The following TRAK1 variants were observed in gnomAD, a reference collection of about 807,000 sequenced individuals.
TRAK1 encodes the protein trafficking kinesin-binding protein 1.
TRAK1 carries 33 observed loss-of-function variants against 92.1 expected under a neutral mutation model. That is an observed-to-expected ratio of 0.36 (90% CI 0.27 to 0.48). TRAK1 has a LOEUF of 0.48. Among genes scored for constraint, TRAK1 ranks in the 20% least tolerant of loss-of-function variants. TRAK1 has a pLI of 0.99. For synonymous variants in TRAK1, 521 were observed against 517.3 expected, an observed-to-expected ratio of 1.01 and a Z score of -0.10; for missense variants, 1,123 against 1,257.9, an observed-to-expected ratio of 0.89 and a Z score of 1.62.
intron 4 of TRAK1, 179 bp downstream of exon 4, chr3:42,184,980 C>T (rs1576861919): frequency 5.3e-6 from 3 of 571,044 alleles, no homozygotes; most frequent in Non-Finnish European, 9.4e-6. Flanking sequence ...TAAAAGCCAC[C>T]TTCCTGCAGC....
chr3:42,130,477 G>C (rs1306039358), intron 2 of TRAK1, among the ~76,000 whole-genome samples: 2 of 152,160 alleles, frequency 1.3e-5, no homozygotes, highest in South Asian at 4.1e-4. Context: ...GTAATATTAA[G>C]GAATTAGCCA....
chr3:42,172,776 T>TTTTA (rs2149348375), intron 2 of TRAK1, among the ~76,000 whole-genome samples: 1 of 152,242 alleles, frequency 6.6e-6, no homozygotes, highest in African/African-American at 2.4e-5. Context: ...GGCGTGTGTA[T>TTTTA]TTTACTATGG....
intron 2 of TRAK1, among the ~76,000 whole-genome samples, chr3:42,128,340 A>G (rs1710851839): frequency 6.6e-6 from 1 of 152,230 alleles, no homozygotes; most frequent in Admixed American, 6.5e-5. Context: ...AAGAACCAAA[A>G]TAAACATTGA....
intron 3 of TRAK1, among the ~76,000 whole-genome samples, chr3:42,178,344 G>C (rs1703498064): frequency 1.3e-5 from 2 of 152,100 alleles, no homozygotes; most frequent in African/African-American, 2.4e-5. Flanking sequence ...GCCACCCATT[G>C]CTCAAGGTCC....
At chr3:42,197,978 G>A (rs772505638) in intron 10 of TRAK1, among the ~76,000 whole-genome samples, 5 of 152,214 alleles carry the variant, frequency 3.3e-5, no homozygotes, top group Non-Finnish European at 7.3e-5. Flanking sequence ...CACATTTCTT[G>A]TGCTCACTAG....
At chr3:42,195,641 G>T (rs1706502758) in intron 10 of TRAK1, among the ~76,000 whole-genome samples, 1 of 151,492 alleles carries the variant, frequency 6.6e-6, no homozygotes. Context: ...CCTAAATCGT[G>T]ATTTCTTTTC....
At chr3:42,141,758 C>T (rs1430434285) in intron 2 of TRAK1, among the ~76,000 whole-genome samples, 1 of 152,186 alleles carries the variant, frequency 6.6e-6, no homozygotes, top group African/African-American at 2.4e-5. Flanking sequence ...GGCGTTTTCT[C>T]CTCTTCTCCT....
intron 1 of TRAK1, among the ~76,000 whole-genome samples, chr3:42,080,475 T>G (rs1415097517): frequency 6.6e-6 from 1 of 152,182 alleles, no homozygotes; most frequent in Non-Finnish European, 1.5e-5. Context: ...CAGAATTCAG[T>G]AAACTAAACA....
intron 1 of TRAK1, among the ~76,000 whole-genome samples, chr3:42,105,315 A>G (rs1707379882): frequency 6.6e-6 from 1 of 152,222 alleles, no homozygotes; most frequent in Non-Finnish European, 1.5e-5. Flanking sequence ...AGTGTAGAGA[A>G]GACCTTAAAT....
rs369002267 is a variant in TRAK1 at position 42,073,450 on chromosome 3, G to C, written c.-518-13654G>C. Among the ~76,000 whole-genome samples the C allele has an allele frequency of 1.3e-3, 198 of 152,292 alleles. 5 individuals carry two copies. In the South Asian group the frequency reaches 0.038, roughly 29 times the overall value. ...CCCAGTCCTACATCTACAATTATTT[G>C]AGATAAACTTTGATTAAGTCACTTA... On this transcript the variant is annotated intron_variant, in intron 1 of 16. Coordinates refer to the TRAK1 transcript ENST00000487159.
chr3:42,138,766 C>T (rs952340145), intron 2 of TRAK1, among the ~76,000 whole-genome samples: 1 of 147,982 alleles, frequency 6.8e-6, no homozygotes, highest in Admixed American at 6.8e-5. Context: ...AAATGCAGTA[C>T]ACCTATATAA....
chr3:42,118,760 TA>T (rs1709484326), intron 1 of TRAK1, among the ~76,000 whole-genome samples: 1 of 152,250 alleles, frequency 6.6e-6, no homozygotes, highest in Non-Finnish European at 1.5e-5. Context: ...TAGGAAGGGT[TA>T]TACCTCTGAA....
At chr3:42,193,713 G>A (rs753065959) in intron 8 of TRAK1, 111 bp from the exon 9 acceptor site, 310 of 1,101,238 alleles carry the variant, frequency 2.8e-4, no homozygotes, top group Non-Finnish European at 4.1e-4. Flanking sequence ...TATAAGATGA[G>A]CATGTCCTTG....
chr3:42,116,030 G>A (rs1362054528), intron 1 of TRAK1, among the ~76,000 whole-genome samples: 2 of 152,192 alleles, frequency 1.3e-5, no homozygotes, highest in African/African-American at 4.8e-5. Flanking sequence ...TAAATGAAAG[G>A]CAGTAATAGA....
chr3:42,147,309 A>G (rs1699439064), intron 2 of TRAK1, among the ~76,000 whole-genome samples: 1 of 152,168 alleles, frequency 6.6e-6, no homozygotes, highest in Admixed American at 6.5e-5. Flanking sequence ...AGGCTATGGG[A>G]TCTGATATAT....
At chr3:42,013,743 C>T (rs1701399824), upstream of TRAK1, 4 of 147,914 alleles carry the variant, frequency 2.7e-5, no homozygotes, top group South Asian at 7.1e-4. This position sits in a 1 kb window ranked among gnomAD's most constrained non-coding sequence, Gnocchi z 5.1. Context: ...CCCACCCGGC[C>T]GCCGCCCCCG....
At chr3:42,071,726 C>T (rs554006764) in intron 1 of TRAK1, among the ~76,000 whole-genome samples, 17 of 151,526 alleles carry the variant, frequency 1.1e-4, no homozygotes, top group African/African-American at 3.6e-4. Flanking sequence ...AAAAAAGATA[C>T]CCACTCTCTC....
chr3:42,016,034 CTCAAAA>C (rs1048547940), intron 1 of TRAK1, among the ~76,000 whole-genome samples: 3 of 150,952 alleles, frequency 2.0e-5, no homozygotes, highest in African/African-American at 7.4e-5. Context: ...AAGACCCCAT[CTCAAAA>C]ACAAAAACAA....
chr3:42,036,688 T>A (rs1171103582), intron 1 of TRAK1, among the ~76,000 whole-genome samples: 1 of 152,212 alleles, frequency 6.6e-6, no homozygotes, highest in African/African-American at 2.4e-5. Flanking sequence ...AGTTACAGAC[T>A]TCCTAGGCTT....
Sources: allele counts gnomAD v4.1 joint callset (sites outside exome capture counted in the v4.1 genomes callset), GRCh38; gene constraint gnomAD v4.1.1; non-coding constraint Gnocchi (gnomAD v3.1); transcripts MANE v1.5; gene names NCBI Gene and HGNC (gene_info 2026-07-23, HGNC 2026-07-21).